Variants in DIXDC1 observed in about 807,000 individuals in gnomAD.
DIXDC1 encodes dixin.
In DIXDC1, 64 loss-of-function variants were observed where a neutral mutation model predicts 103.1. That is an observed-to-expected ratio of 0.62 (90% confidence interval 0.51 to 0.76). The LOEUF (loss-of-function observed/expected upper bound fraction) is 0.76, where lower values mean the gene tolerates loss of function less well. DIXDC1 is among the 30% of genes least tolerant of loss of function. DIXDC1 has a pLI of 0.00. For synonymous variants in DIXDC1, 266 were observed against 298.5 expected (o/e 0.89, Z 1.12); for missense variants, 759 against 834.2 (o/e 0.91, Z 1.11).
intron 17 of DIXDC1, among the ~76,000 whole-genome samples, chr11:112,006,340 C>T (rs1861237608): frequency 6.6e-6 from 1 of 152,226 alleles, no homozygotes; most frequent in Non-Finnish European, 1.5e-5. Flanking sequence ...TTCTGTAGCC[C>T]CCACCTCTGG....
In DIXDC1 at chr11:112,022,464, G is replaced by A. The variant is rs1222774154; in HGVS notation, c.*3428G>A. ...TACAATATGTTTTCATGAAGACTATGTTACACCAGAGGCTTCTGATTATCA... is the reference window on the plus strand; with the variant it reads ...TACAATATGTTTTCATGAAGACTATATTACACCAGAGGCTTCTGATTATCA... On this transcript the variant is annotated 3_prime_UTR_variant, in exon 20 of 20. Transcript: ENST00000440460. The surrounding 1 kb of genome is among the most constrained non-coding windows in gnomAD (Gnocchi z 4.9). The A allele has an allele frequency of 6.6e-6, 1 of 152,624 alleles. No homozygotes were observed. The highest frequency in any genetic ancestry group is 2.4e-5 in the African/African-American group (1 of 41,456). The allele number at this position is 152,624 out of a possible 1,614,324, so 9.5% of individuals were successfully genotyped here. A position where few individuals can be genotyped will look rare whatever the true frequency, so the allele number is the denominator to read the frequency against.
At chr11:111,995,216 C>T in intron 15 of DIXDC1, 108 bp downstream of exon 15, 1 of 1,357,154 alleles carries the variant, frequency 7.4e-7, no homozygotes, top group Non-Finnish European at 1.0e-6. Context: ...TTCCCTAATT[C>T]CTGGATCTGT....
intron 17 of DIXDC1, among the ~76,000 whole-genome samples, chr11:112,003,581 C>T (rs1861133849): frequency 6.6e-6 from 1 of 152,026 alleles, no homozygotes; most frequent in Non-Finnish European, 1.5e-5. Flanking sequence ...GGTGGATCAC[C>T]TGAGGTTAGG....
At chr11:111,978,017 G>C (rs587758686) in intron 5 of DIXDC1, among the ~76,000 whole-genome samples, 6 of 152,118 alleles carry the variant, frequency 3.9e-5, no homozygotes, top group Non-Finnish European at 8.8e-5. Context: ...GGTCTTTGGT[G>C]GGGGAGGGCA....
At chr11:112,010,706 A>G (rs1861388630) in intron 17 of DIXDC1, among the ~76,000 whole-genome samples, 1 of 152,244 alleles carries the variant, frequency 6.6e-6, no homozygotes. Flanking sequence ...TGGGGAAAGG[A>G]TTCCCTGTTT....
At chr11:111,947,402 A>C (rs1966633588) in intron 1 of DIXDC1, among the ~76,000 whole-genome samples, 1 of 152,242 alleles carries the variant, frequency 6.6e-6, no homozygotes, top group South Asian at 2.1e-4. Flanking sequence ...CAAATCAAGC[A>C]GCAGAGCCAC....
chr11:111,985,186 C>A, intron 7 of DIXDC1, 46 bp from the exon 8 acceptor site: 2 of 1,471,528 alleles, frequency 1.4e-6, no homozygotes, highest in South Asian at 2.4e-5. Context: ...TGGACTAAGT[C>A]ATCTGAAGGA....
At position 112,020,549 on chromosome 11, in the gene DIXDC1, G is replaced by C. The variant is rs1555178318; in HGVS notation, c.*1513G>C. On this transcript the variant is annotated 3_prime_UTR_variant, in exon 20 of 20. Coordinates refer to ENST00000440460, the MANE Select transcript of DIXDC1 (RefSeq NM_001037954.4). ...TTTTTATAACTGGAGTGTGAGTTCT[G>C]TATCTTCTCACATTCTGTATACTGT... 1 of 152,190 alleles carries C rather than the reference G, an allele frequency of 6.6e-6. No homozygotes were observed. The highest frequency in any genetic ancestry group is 2.4e-5 in the African/African-American group (1 of 41,438). The allele number at this position is 152,190 out of a possible 1,614,324, so 9.4% of individuals were successfully genotyped here.
At chr11:111,992,371 T>C (rs1592605837) in intron 10 of DIXDC1, 44 bp from the exon 11 acceptor site, 3 of 1,490,472 alleles carry the variant, frequency 2.0e-6, no homozygotes, top group Middle Eastern at 1.7e-4. Context: ...AACTGGCTGA[T>C]TGATGAACTG....
chr11:111,985,432 T>C, intron 8 of DIXDC1, 111 bp downstream of exon 8: 1 of 855,826 alleles, frequency 1.2e-6, no homozygotes, highest in Non-Finnish European at 1.8e-6. Flanking sequence ...CTTGACCAGT[T>C]CTGGTTTTCC....
upstream of DIXDC1, among the ~76,000 whole-genome samples, chr11:111,934,955 A>T (rs1966146655): frequency 6.6e-6 from 1 of 152,232 alleles, no homozygotes; most frequent in East Asian, 1.9e-4. Context: ...GCTGTAGTTC[A>T]AGTGCTCAGT....
At chr11:112,008,063 A>C (rs1213341055) in intron 17 of DIXDC1, among the ~76,000 whole-genome samples, 1 of 151,632 alleles carries the variant, frequency 6.6e-6, no homozygotes, top group Non-Finnish European at 1.5e-5. Context: ...GGAGACCCAT[A>C]TCACGTGCAG....
rs192609576 is a variant in DIXDC1, at chr11:112,021,073, C to G, written c.*2037C>G. Reference sequence around the variant, plus strand: ...TTGTCTTGAATGTCTGTCTCTTAAACCAGTTTTTACTTGTCAGTTTTCTCT... The same window carrying G: ...TTGTCTTGAATGTCTGTCTCTTAAAGCAGTTTTTACTTGTCAGTTTTCTCT... On this transcript the variant is annotated 3_prime_UTR_variant, in exon 20 of 20. Transcript: ENST00000440460. 48 of 152,260 alleles carry G rather than the reference C, an allele frequency of 3.2e-4. 1 individual carries two copies. The highest frequency in any genetic ancestry group is 1.0e-3 in the African/African-American group (43 of 41,552). The allele number at this position is 152,260 out of a possible 1,614,324, so 9.4% of individuals were successfully genotyped here.
chr11:111,956,989 A>G (rs1458760531), intron 1 of DIXDC1, among the ~76,000 whole-genome samples: 1 of 151,388 alleles, frequency 6.6e-6, no homozygotes, highest in Non-Finnish European at 1.5e-5. Flanking sequence ...CAACATAGTG[A>G]GACTCTGTCT....
intron 14 of DIXDC1, 150 bp from the exon 15 acceptor site, chr11:111,994,869 T>C (rs78043752): frequency 2.7e-6 from 2 of 748,938 alleles, no homozygotes; most frequent in East Asian, 5.5e-5. Context: ...AAATCTATAC[T>C]TAAGAAAGAT....
exon 2 of DIXDC1, chr11:111,929,881 A>C: frequency 6.5e-7 from 1 of 1,536,008 alleles, no homozygotes; most frequent in Non-Finnish European, 8.7e-7. Flanking sequence ...TATGAGATTC[A>C]ATAACTCCTT....
intron 10 of DIXDC1, among the ~76,000 whole-genome samples, chr11:111,990,000 C>T (rs1326868072): frequency 6.6e-6 from 1 of 151,404 alleles, no homozygotes; most frequent in Admixed American, 6.6e-5. Context: ...CCGTGTTAGC[C>T]AGGATGGTCT....
At chr11:111,991,273 G>T (rs587652222) in intron 10 of DIXDC1, among the ~76,000 whole-genome samples, 1 of 152,284 alleles carries the variant, frequency 6.6e-6, no homozygotes, top group Non-Finnish European at 1.5e-5. Flanking sequence ...ACATGTAAAG[G>T]ATCTGAAAAG....
chr11:111,954,028 A>T (rs1209047285), intron 1 of DIXDC1, among the ~76,000 whole-genome samples: 1 of 152,186 alleles, frequency 6.6e-6, no homozygotes, highest in African/African-American at 2.4e-5. Context: ...GTTTCATGGA[A>T]GACAGTTTTT....
Sources: allele counts gnomAD v4.1 joint callset (sites outside exome capture counted in the v4.1 genomes callset), GRCh38; gene constraint gnomAD v4.1.1; non-coding constraint Gnocchi (gnomAD v3.1); transcripts MANE v1.5; gene names NCBI Gene and HGNC (gene_info 2026-07-23, HGNC 2026-07-21).